TLK2: variants seen among roughly 807,000 people sequenced by gnomAD.
The protein encoded by TLK2 is tousled like kinase 2, also known as serine/threonine-protein kinase tousled-like 2.
TLK2 carries 6 observed loss-of-function variants against 117.3 expected under a neutral mutation model. The ratio of observed to expected loss-of-function variants is 0.05; its 90% confidence interval spans 0.03 to 0.10. The LOEUF (loss-of-function observed/expected upper bound fraction) is 0.10, where lower values mean the gene tolerates loss of function less well. TLK2 is among the 10% of genes least tolerant of loss of function. The probability of loss-of-function intolerance (pLI) is 1.00; values close to 1 mark genes in which losing one functional copy is unlikely to be tolerated. For missense variants in TLK2, 299 were observed against 901.2 expected (o/e 0.33, Z 8.56); for synonymous variants, 257 against 316.7 (o/e 0.81, Z 2.00).
intron 19 of TLK2, among the ~76,000 whole-genome samples, chr17:62,604,539 C>T (rs559138496): frequency 2.6e-5 from 4 of 152,240 alleles, no homozygotes; most frequent in African/African-American, 9.6e-5. Context: ...ATTTCATTCA[C>T]TTACAGGTGG....
At chr17:62,530,137 G>C (rs1401441359) in intron 6 of TLK2, among the ~76,000 whole-genome samples, 2 of 152,076 alleles carry the variant, frequency 1.3e-5, no homozygotes, top group East Asian at 3.9e-4. Flanking sequence ...AGCTGGGCTT[G>C]GTGGCAGGTG....
At chr17:62,514,215 C>T (rs1429548641) in intron 2 of TLK2, among the ~76,000 whole-genome samples, 2 of 150,328 alleles carry the variant, frequency 1.3e-5, no homozygotes, top group Non-Finnish European at 3.0e-5. Flanking sequence ...GCGATCTCAG[C>T]TTATTGCAAC....
At chr17:62,610,586 C>G (rs1035827201) in intron 21 of TLK2, among the ~76,000 whole-genome samples, 2 of 152,096 alleles carry the variant, frequency 1.3e-5, no homozygotes, top group African/African-American at 4.8e-5. Context: ...ACAGTTTGAG[C>G]AGTATCTTGA....
chr17:62,601,139 C>T (rs1394779170), intron 18 of TLK2, among the ~76,000 whole-genome samples: 2 of 152,048 alleles, frequency 1.3e-5, no homozygotes, highest in African/African-American at 4.8e-5. Flanking sequence ...TACTACATAA[C>T]AGTCCCTCTG....
At position 62,527,747 on chromosome 17, in the gene TLK2, A is replaced by AT. The variant is rs770877174; in HGVS notation, c.363+3428dup. On this transcript the variant is annotated intron_variant, in intron 6 of 21. Transcript: ENST00000346027. ...AGTTAATTGCCCATCTTCCGACTAG[A>AT]TTTTTTTTTTTTGAGACGGAGTTTC... Among the ~76,000 whole-genome samples the AT allele has an allele frequency of 7.3e-4, 107 of 146,524 alleles. 1 individual carries two copies. The highest frequency in any genetic ancestry group is 6.9e-3 in the Middle Eastern group (2 of 288).
chr17:62,490,348 A>G (rs2072978590), intron 2 of TLK2, among the ~76,000 whole-genome samples: 1 of 152,104 alleles, frequency 6.6e-6, no homozygotes, highest in South Asian at 2.1e-4. Context: ...AGATTTGCCT[A>G]ATCTACATAA....
intron 1 of TLK2, among the ~76,000 whole-genome samples, chr17:62,473,228 C>G (rs933934469): frequency 6.6e-6 from 1 of 152,182 alleles, no homozygotes; most frequent in Non-Finnish European, 1.5e-5. Flanking sequence ...AGCCCAAGCT[C>G]TACTCTGATG....
intron 1 of TLK2, among the ~76,000 whole-genome samples, chr17:62,471,486 T>A (rs1368205028): frequency 3.9e-5 from 6 of 152,148 alleles, no homozygotes; most frequent in African/African-American, 1.4e-4. Context: ...CTTTCCTTTA[T>A]TAACTGTCAA....
chr17:62,556,561 C>T (rs1256052077), intron 9 of TLK2, among the ~76,000 whole-genome samples: 1 of 152,176 alleles, frequency 6.6e-6, no homozygotes, highest in Non-Finnish European at 1.5e-5. Context: ...CGTTCTGCCT[C>T]TCAAATATAA....
chr17:62,546,157 C>T (rs1195374178), intron 7 of TLK2, among the ~76,000 whole-genome samples: 2 of 151,948 alleles, frequency 1.3e-5, no homozygotes, highest in Non-Finnish European at 2.9e-5. Flanking sequence ...GCTGGGATTA[C>T]AGTCATGAGC....
intron 2 of TLK2, among the ~76,000 whole-genome samples, chr17:62,495,895 A>G (rs1426697517): frequency 6.6e-6 from 1 of 151,398 alleles, no homozygotes; most frequent in Non-Finnish European, 1.5e-5. Flanking sequence ...CGAACTCCTG[A>G]GCTCAGACAA....
chr17:62,582,804 T>C (rs1470624528), intron 15 of TLK2, among the ~76,000 whole-genome samples: 1 of 152,188 alleles, frequency 6.6e-6, no homozygotes, highest in East Asian at 1.9e-4. Flanking sequence ...CCCTCCTCCT[T>C]GTCCTTGGAA....
chr17:62,526,690 C>T (rs1353008775), intron 6 of TLK2, among the ~76,000 whole-genome samples: 2 of 107,196 alleles, frequency 1.9e-5, no homozygotes, highest in African/African-American at 5.2e-5. Context: ...TCTGCCTTGT[C>T]CTGGTAAATG....
rs149653213 is a variant in TLK2, at chr17:62,610,069, G to T, written c.2079+1921G>T. Among the ~76,000 whole-genome samples the T allele has an allele frequency of 2.7e-3, 411 of 152,336 alleles. 1 individual carries two copies. Among genetic ancestry groups the T allele is most frequent in the African/African-American group, 9.5e-3 (394 of 41,562 alleles). On this transcript the variant is annotated intron_variant, in intron 21 of 21. Transcript: ENST00000346027. ...CGATACTGAGGGACTTGAATACATT[G>T]TCTGGTAGATGTTTAATTCTCCTAA...
At chr17:62,493,432 A>G (rs1235853198) in intron 2 of TLK2, among the ~76,000 whole-genome samples, 1 of 152,216 alleles carries the variant, frequency 6.6e-6, no homozygotes, top group Non-Finnish European at 1.5e-5. Flanking sequence ...AGTGCTATGA[A>G]AAAACAAATG....
intron 20 of TLK2, 45 bp from the exon 21 acceptor site, chr17:62,607,996 A>G (rs182970816): frequency 3.3e-6 from 5 of 1,521,296 alleles, no homozygotes; most frequent in African/African-American, 1.4e-5. Flanking sequence ...TTTCTCTATA[A>G]TTTTCATCAG....
upstream of TLK2, chr17:62,477,611 T>G (rs1567749867): frequency 1.3e-5 from 2 of 152,202 alleles, no homozygotes; most frequent in Non-Finnish European, 2.9e-5. Flanking sequence ...TTGTTCAAGG[T>G]CTGAATTTTT....
chr17:62,561,163 A>AT (rs2079242848), intron 10 of TLK2, among the ~76,000 whole-genome samples: 1 of 152,136 alleles, frequency 6.6e-6, no homozygotes, highest in Admixed American at 6.6e-5. Context: ...TGAACTCATC[A>AT]TTTTTTATGG....
chr17:62,546,809 C>T (rs2146059823), intron 7 of TLK2, among the ~76,000 whole-genome samples: 1 of 152,040 alleles, frequency 6.6e-6, no homozygotes, highest in Non-Finnish European at 1.5e-5. Flanking sequence ...ATCCACCTGT[C>T]TCGGCCTCCC....
Sources: allele counts gnomAD v4.1 joint callset (sites outside exome capture counted in the v4.1 genomes callset), GRCh38; gene constraint gnomAD v4.1.1; transcripts MANE v1.5; gene names NCBI Gene and HGNC (gene_info 2026-07-23, HGNC 2026-07-21).